The following MGLL variants were observed in gnomAD, a reference collection of about 807,000 sequenced individuals.
The protein encoded by MGLL is monoglyceride lipase.
A neutral mutation model predicts 29.1 loss-of-function variants in MGLL; 7 were observed. The ratio of observed to expected loss-of-function variants is 0.24; its 90% CI spans 0.14 to 0.45. The LOEUF is 0.45. MGLL is among the 20% of genes least tolerant of loss of function. MGLL has a pLI of 0.99. For synonymous variants in MGLL, 148 were observed against 168.3 expected, an observed-to-expected ratio of 0.88 and a Z score of 0.93; for missense variants, 356 against 413.6, an observed-to-expected ratio of 0.86 and a Z score of 1.21.
At chr3:127,791,210 GA>G (rs1461708394) in intron 2 of MGLL, 1 of 152,220 alleles carries the variant, frequency 6.6e-6, no homozygotes, top group Non-Finnish European at 1.5e-5. Context: ...CTTTCAGTAT[GA>G]GCTTTCTTCA....
intron 2 of MGLL, among the ~76,000 whole-genome samples, chr3:127,802,982 CTCTCTT>C (rs888887936): frequency 1.1e-4 from 16 of 150,284 alleles, no homozygotes; most frequent in African/African-American, 3.3e-4. Flanking sequence ...CTCTCTCTCT[CTCTCTT>C]TTTTTTTTTT....
chr3:127,819,770 A>G (rs1435365235), intron 2 of MGLL, among the ~76,000 whole-genome samples: 1 of 152,060 alleles, frequency 6.6e-6, no homozygotes, highest in Non-Finnish European at 1.5e-5. Flanking sequence ...AGGCAGGCTG[A>G]GCAGCTGGTC....
chr3:127,715,386 G>C (rs2075794315), intron 5 of MGLL: 1 of 308,458 alleles, frequency 3.2e-6, no homozygotes, highest in Non-Finnish European at 6.4e-6. Flanking sequence ...TTTCTAACAA[G>C]ACTCAATTGT....
chr3:127,724,786 A>G (rs2076000084), intron 3 of MGLL, among the ~76,000 whole-genome samples: 1 of 152,094 alleles, frequency 6.6e-6, no homozygotes, highest in Non-Finnish European at 1.5e-5. Flanking sequence ...TGGTCTCCAA[A>G]CAAGCTCATC....
At chr3:127,775,115 C>T (rs616990) in intron 3 of MGLL, among the ~76,000 whole-genome samples, 1 of 151,988 alleles carries the variant, frequency 6.6e-6, no homozygotes, top group East Asian at 1.9e-4. Flanking sequence ...GGCAAGGGGA[C>T]GAAGGGAATG....
intron 3 of MGLL, among the ~76,000 whole-genome samples, chr3:127,771,652 G>C (rs533176259): frequency 6.6e-6 from 1 of 152,092 alleles, no homozygotes. Context: ...CACCAAGCCC[G>C]GCCTTCTCCA....
intron 7 of MGLL, among the ~76,000 whole-genome samples, chr3:127,692,693 G>A (rs1417479694): frequency 6.6e-5 from 10 of 152,090 alleles, no homozygotes; most frequent in Non-Finnish European, 7.4e-5. Context: ...ATCCCAAGCC[G>A]ACTTCCACTC....
intron 2 of MGLL, among the ~76,000 whole-genome samples, chr3:127,804,532 T>C (rs1211502208): frequency 6.6e-6 from 1 of 152,186 alleles, no homozygotes; most frequent in Non-Finnish European, 1.5e-5. Context: ...GGTCAAACTA[T>C]AATAGATCAT....
intron 6 of MGLL, among the ~76,000 whole-genome samples, chr3:127,707,707 C>T (rs2075629481): frequency 6.6e-6 from 1 of 152,184 alleles, no homozygotes. Flanking sequence ...TAGTGTCTGG[C>T]ACAGAAGAAT....
chr3:127,758,446 C>T (rs573974288), intron 3 of MGLL, among the ~76,000 whole-genome samples: 2 of 152,270 alleles, frequency 1.3e-5, no homozygotes, highest in African/African-American at 2.4e-5. Flanking sequence ...ATAGACTGAA[C>T]GAATGAATAA....
chr3:127,786,935 C>G (rs1191781892), intron 2 of MGLL, among the ~76,000 whole-genome samples: 5 of 152,218 alleles, frequency 3.3e-5, no homozygotes, highest in Non-Finnish European at 5.9e-5. Flanking sequence ...AGCTCTGGCC[C>G]TCCCACAAGC....
intron 2 of MGLL, among the ~76,000 whole-genome samples, chr3:127,802,456 ACAGGTGCAGAAAATATGT>A (rs1235511686): frequency 6.6e-6 from 1 of 152,262 alleles, no homozygotes; most frequent in Non-Finnish European, 1.5e-5. Flanking sequence ...GTAATCTCCT[ACAGGTGCAGAAAATATGT>A]CAGTGCCAGT....
intron 3 of MGLL, among the ~76,000 whole-genome samples, chr3:127,756,078 T>G (rs2076659303): frequency 6.6e-6 from 1 of 152,236 alleles, no homozygotes; most frequent in Non-Finnish European, 1.5e-5. Flanking sequence ...TATCATTTTT[T>G]ATGTCTGAAA....
intron 3 of MGLL, among the ~76,000 whole-genome samples, chr3:127,741,241 G>C (rs2076334881): frequency 6.6e-6 from 1 of 152,250 alleles, no homozygotes; most frequent in South Asian, 2.1e-4. Context: ...CAGTGGGGTG[G>C]AGTGAATGAG....
intron 2 of MGLL, among the ~76,000 whole-genome samples, chr3:127,800,912 C>T (rs1012769418): frequency 1.3e-5 from 2 of 152,038 alleles, no homozygotes; most frequent in Non-Finnish European, 2.9e-5. Context: ...TAGAGCTCAC[C>T]GGGTACCAGG....
At chr3:127,715,832 C>A (rs1483049023) in intron 5 of MGLL, 3 of 456,484 alleles carry the variant, frequency 6.6e-6, no homozygotes, top group African/African-American at 4.0e-5. Context: ...ACCAGGGAAG[C>A]CTCAGAGGGG....
intron 2 of MGLL, among the ~76,000 whole-genome samples, chr3:127,790,622 G>A (rs972021289): frequency 2.0e-5 from 3 of 152,138 alleles, no homozygotes; most frequent in Admixed American, 6.5e-5. Context: ...AACACTAAGC[G>A]TATTTTGTGA....
chr3:127,797,009 C>T (rs1249130213), intron 2 of MGLL, among the ~76,000 whole-genome samples: 3 of 152,088 alleles, frequency 2.0e-5, no homozygotes, highest in East Asian at 1.9e-4. Context: ...TTCTGGAAGG[C>T]GGATGCCTTA....
chr3:127,768,448 G>GCC (rs1317833569), intron 3 of MGLL, among the ~76,000 whole-genome samples: 2 of 152,196 alleles, frequency 1.3e-5, no homozygotes, highest in African/African-American at 4.8e-5. Context: ...ACACCACACT[G>GCC]CCACTTCCTG....
Sources: gnomAD v4.1 joint callset for allele counts (sites outside exome capture counted in the v4.1 genomes callset) on GRCh38, gnomAD v4.1.1 for gene constraint, MANE v1.5 for transcripts, NCBI Gene and HGNC (gene_info 2026-07-23, HGNC 2026-07-21) for gene names.